Variants in COL6A6 observed in about 807,000 individuals in gnomAD.
COL6A6 encodes the protein collagen alpha-6(VI) chain.
A neutral mutation model predicts 208.6 loss-of-function variants in COL6A6; 183 were observed. The observed-to-expected ratio is 0.88, with a 90% CI of 0.78 to 0.99. The LOEUF is 0.99. Among genes scored for constraint, COL6A6 ranks in the 50% least tolerant of loss-of-function variants. The pLI is 0.00. For missense variants in COL6A6, 2,816 were observed against 2,815.2 expected (o/e 1.00, Z -0.01); for synonymous variants, 973 against 1,011.8 (o/e 0.96, Z 0.73).
chr3:130,644,566 T>C (rs1156986610), intron 31 of COL6A6, among the ~76,000 whole-genome samples: 1 of 152,212 alleles, frequency 6.6e-6, no homozygotes, highest in African/African-American at 2.4e-5. Context: ...ACATATATAC[T>C]ATACAAAGAT....
At chr3:130,642,945 A>G (rs1441410944) in intron 30 of COL6A6, 42 bp from the exon 31 acceptor site, 1 of 1,613,338 alleles carries the variant, frequency 6.2e-7, no homozygotes, top group East Asian at 2.2e-5. Context: ...AGGGCCTAGC[A>G]GTTTGTTGTT....
At chr3:130,656,162 A>G (rs2065784239) in intron 33 of COL6A6, among the ~76,000 whole-genome samples, 1 of 151,808 alleles carries the variant, frequency 6.6e-6, no homozygotes, top group African/African-American at 2.4e-5. Context: ...CTCTCTCCTC[A>G]CCTTGTTGTC....
intron 18 of COL6A6, 27 bp from the exon 19 acceptor site, chr3:130,598,338 A>T (rs1402650537): frequency 1.4e-6 from 2 of 1,457,134 alleles, no homozygotes; most frequent in African/African-American, 1.4e-5. Flanking sequence ...AAATATATTA[A>T]TTTTTCTCTT....
At chr3:130,607,168 A>G (rs2064208518) in intron 21 of COL6A6, among the ~76,000 whole-genome samples, 1 of 152,256 alleles carries the variant, frequency 6.6e-6, no homozygotes, top group African/African-American at 2.4e-5. Context: ...ACCATAAAAA[A>G]TAATGGCCAG....
intron 1 of COL6A6, among the ~76,000 whole-genome samples, chr3:130,541,353 A>G (rs1245961994): frequency 2.6e-5 from 4 of 152,198 alleles, no homozygotes; most frequent in South Asian, 2.1e-4. Context: ...TACTATTCCA[A>G]TGTCTGGATG....
chr3:130,553,075 A>AT (rs1356526509), intron 1 of COL6A6, among the ~76,000 whole-genome samples: 1 of 151,336 alleles, frequency 6.6e-6, no homozygotes, highest in Admixed American at 6.6e-5. Flanking sequence ...TGCCTTTAAC[A>AT]TTTTTTTTCT....
intron 1 of COL6A6, among the ~76,000 whole-genome samples, chr3:130,559,601 A>G (rs1314716352): frequency 6.6e-6 from 1 of 152,234 alleles, no homozygotes; most frequent in Non-Finnish European, 1.5e-5. Context: ...ATGAGCAAAA[A>G]ATAAGCCCAA....
chr3:130,551,656 A>ATTTTTTTT (rs2062645481), intron 1 of COL6A6, among the ~76,000 whole-genome samples: 1 of 116,264 alleles, frequency 8.6e-6, no homozygotes, highest in African/African-American at 3.5e-5. Flanking sequence ...TCACATCTCC[A>ATTTTTTTT]TTTTCTTCAT....
rs1458793827 is a variant in COL6A6, at chr3:130,625,886, A to G, written c.4879-599A>G. Among the ~76,000 whole-genome samples the G allele has an allele frequency of 2.6e-5, 4 of 152,370 alleles. No homozygotes were observed. The East Asian group carries it at 7.7e-4, about 29-fold the overall frequency. ...TGATGTGGACATACAGGAACTTTCCATATTATGTTCACAACATTTCTGTAA... is the reference window on the plus strand; with the variant it reads ...TGATGTGGACATACAGGAACTTTCCGTATTATGTTCACAACATTTCTGTAA... On this transcript the variant is annotated intron_variant, in intron 24 of 36. Coordinates refer to ENST00000358511, the MANE Select transcript of COL6A6 (RefSeq NM_001102608.3).
At position 130,596,254 on chromosome 3, in the gene COL6A6, C is replaced by T. The variant is rs1178984746; in HGVS notation, c.4533+1911C>T. 2.6e-5 allele frequency among the ~76,000 whole-genome samples: 4 copies of T among 152,152 alleles called. No individual in the cohort carries two copies. The East Asian group carries it at 7.7e-4, about 29-fold the overall frequency. On this transcript the variant is annotated intron_variant, in intron 18 of 36. Coordinates refer to ENST00000358511, the MANE Select transcript of COL6A6 (RefSeq NM_001102608.3). ...CCAAAGAACTATCCACATATAAGCA[C>T]AACTTAGAAATATTAGTTCAAATAC...
chr3:130,658,719 G>A lies in COL6A6; in HGVS notation c.5777G>A (p.Gly1926Glu), dbSNP rs771759941. 1.2e-6 allele frequency: 2 copies of A among 1,613,232 alleles called. No individual in the cohort carries two copies. Among genetic ancestry groups the A allele is most frequent in the Non-Finnish European group, 8.5e-7 (1 of 1,179,628 alleles). The change falls in exon 34 of 37, where the codon GGG becomes GAG. Residue 1926 changes from glycine to glutamate, a missense_variant. Coordinates refer to ENST00000358511, the MANE Select transcript of COL6A6 (RefSeq NM_001102608.3). The stretch of plus-strand genomic sequence containing the variant: ...TTTCAAGTAATAGTGGTTCCCTCCG[G>A]GGCCGACTACATACCAGCATTAGAG... ...GTFQVIVVPSGADYIPALERL... is the reference protein window; with the variant it reads ...GTFQVIVVPSEADYIPALERL...
chr3:130,534,067 G>A (rs187263551), intron 1 of COL6A6, among the ~76,000 whole-genome samples: 44 of 152,266 alleles, frequency 2.9e-4, no homozygotes, highest in African/African-American at 1.1e-3. Flanking sequence ...AAACTGCTAG[G>A]TCATCTTTAA....
intron 2 of COL6A6, among the ~76,000 whole-genome samples, chr3:130,561,915 G>A (rs2062897844): frequency 6.6e-6 from 1 of 151,454 alleles, no homozygotes; most frequent in African/African-American, 2.4e-5. Flanking sequence ...GCCTCCCAAA[G>A]TGCTGGGATT....
At chr3:130,617,629 T>A (rs921620951) in intron 23 of COL6A6, among the ~76,000 whole-genome samples, 2 of 152,180 alleles carry the variant, frequency 1.3e-5, no homozygotes, top group Non-Finnish European at 2.9e-5. Context: ...AGCTCACCAT[T>A]TGATGGCCTC....
rs2066362410 is a variant in COL6A6, at chr3:130,676,540, C to T, written c.*1143C>T. The stretch of plus-strand genomic sequence containing the variant: ...GGCTCCACAGTTGGTAGCAATGGCC[C>T]TGTTAGGCAGACTGTCCCCCTCTTT... On this transcript the variant is annotated 3_prime_UTR_variant, in exon 37 of 37. Transcript: ENST00000358511. 1 of 152,206 alleles carries T rather than the reference C, an allele frequency of 6.6e-6. No individual in the cohort carries two copies. Among genetic ancestry groups the T allele is most frequent in the South Asian group, 2.1e-4 (1 of 4,830 alleles). The allele number at this position is 152,206 out of a possible 1,614,324, so 9.4% of individuals were successfully genotyped here.
intron 33 of COL6A6, among the ~76,000 whole-genome samples, chr3:130,650,610 C>A (rs985488559): frequency 5.2e-3 from 666 of 127,294 alleles, no homozygotes; most frequent in South Asian, 8.7e-3. Flanking sequence ...CCTCTGTCTC[C>A]AAAAAAAAAA....
chr3:130,652,072 C>A (rs1000785327), intron 33 of COL6A6, among the ~76,000 whole-genome samples: 1 of 152,154 alleles, frequency 6.6e-6, no homozygotes, highest in African/African-American at 2.4e-5. Flanking sequence ...AACACTGCAA[C>A]TTATATGTGA....
intron 36 of COL6A6, among the ~76,000 whole-genome samples, chr3:130,667,291 C>A (rs2066098984): frequency 6.6e-6 from 1 of 152,208 alleles, no homozygotes; most frequent in South Asian, 2.1e-4. Flanking sequence ...GGCTGGCGTG[C>A]AGTGGCATGA....
chr3:130,656,665 CAG>C (rs1415816881), intron 33 of COL6A6, among the ~76,000 whole-genome samples: 2 of 152,216 alleles, frequency 1.3e-5, no homozygotes, highest in Non-Finnish European at 2.9e-5. Flanking sequence ...CCTTTCCACA[CAG>C]AGGCCTGTCT....
Sources: gnomAD v4.1 joint callset for allele counts (sites outside exome capture counted in the v4.1 genomes callset) on GRCh38, gnomAD v4.1.1 for gene constraint, MANE v1.5 for transcripts, NCBI Gene and HGNC (gene_info 2026-07-23, HGNC 2026-07-21) for gene names.